GRID2: variants seen among roughly 807,000 people sequenced by gnomAD.
The protein encoded by GRID2 is glutamate ionotropic receptor delta type subunit 2, also known as glutamate receptor ionotropic, delta-2.
GRID2 carries 33 observed loss-of-function variants against 114.8 expected under a neutral mutation model. The ratio of observed to expected loss-of-function variants is 0.29; its 90% CI spans 0.22 to 0.38. The LOEUF (loss-of-function observed/expected upper bound fraction) is 0.38, where lower values mean the gene tolerates loss of function less well. Ranked by LOEUF, GRID2 falls within the 10% of genes least tolerant of loss-of-function variation. The pLI is 1.00. For synonymous variants in GRID2, 505 were observed against 449.9 expected (o/e 1.12, Z -1.55); for missense variants, 1,184 against 1,257.7 (o/e 0.94, Z 0.89).
At chr4:92,854,523 A>G (rs1744045581) in intron 2 of GRID2, among the ~76,000 whole-genome samples, 2 of 151,310 alleles carry the variant, frequency 1.3e-5, no homozygotes, top group Non-Finnish European at 3.0e-5. Flanking sequence ...TTCTGGAGAG[A>G]AGTTGTGATG....
At chr4:93,304,569 A>T (rs1755219790) in intron 8 of GRID2, among the ~76,000 whole-genome samples, 3 of 152,160 alleles carry the variant, frequency 2.0e-5, no homozygotes, top group Admixed American at 1.3e-4. Context: ...CAAGAAAATA[A>T]TACCAGTTTC....
At chr4:92,472,750 G>A (rs916372935) in intron 1 of GRID2, among the ~76,000 whole-genome samples, 1 of 151,904 alleles carries the variant, frequency 6.6e-6, no homozygotes. Context: ...TCAAAGTTTT[G>A]CCTGTCTTAA....
intron 2 of GRID2, among the ~76,000 whole-genome samples, chr4:92,766,808 A>G (rs575208029): frequency 1.3e-5 from 2 of 152,318 alleles, no homozygotes; most frequent in Non-Finnish European, 2.9e-5. Flanking sequence ...ATTCATAAGT[A>G]TACATTTATC....
intron 2 of GRID2, among the ~76,000 whole-genome samples, chr4:92,622,558 C>T (rs548377302): frequency 6.6e-6 from 1 of 151,634 alleles, no homozygotes; most frequent in South Asian, 2.1e-4. Context: ...TTGGGATTTC[C>T]CAAAATACAC....
At chr4:93,035,701 A>G (rs995262159) in intron 2 of GRID2, among the ~76,000 whole-genome samples, 2 of 152,096 alleles carry the variant, frequency 1.3e-5, no homozygotes, top group East Asian at 3.9e-4. Flanking sequence ...CTCACTGGCT[A>G]TTGGTCAGAT....
intron 4 of GRID2, among the ~76,000 whole-genome samples, chr4:93,206,007 A>C (rs1006992888): frequency 3.3e-5 from 5 of 152,030 alleles, no homozygotes; most frequent in Non-Finnish European, 7.4e-5. Context: ...CCAGCATGGC[A>C]TGTGTATACA....
intron 4 of GRID2, among the ~76,000 whole-genome samples, chr4:93,132,046 A>T (rs1465272418): frequency 6.6e-6 from 1 of 152,186 alleles, no homozygotes; most frequent in Non-Finnish European, 1.5e-5. Flanking sequence ...ACTATAAACA[A>T]TTATCTGCAA....
At chr4:92,491,642 C>T (rs1206862740) in intron 1 of GRID2, among the ~76,000 whole-genome samples, 1 of 151,852 alleles carries the variant, frequency 6.6e-6, no homozygotes, top group African/African-American at 2.4e-5. Context: ...GTATATGCCT[C>T]ATGGATAGAT....
At position 92,975,301 on chromosome 4, in the gene GRID2, A is replaced by C. The variant is rs532050310; in HGVS notation, c.245-109694A>C. The stretch of plus-strand genomic sequence containing the variant: ...TTATATTAATACTTTTTTTTCTTTA[A>C]AACTGTTTTTCAAAACTCTGTTATA... On this transcript the variant is annotated intron_variant, in intron 2 of 15. Transcript: ENST00000282020. Among the ~76,000 whole-genome samples the C allele has an allele frequency of 5.3e-5, 8 of 152,042 alleles. No individual in the cohort carries two copies. In the East Asian group the frequency reaches 1.2e-3, roughly 22 times the overall value.
chr4:92,335,570 G>A (rs1727123500), intron 1 of GRID2, among the ~76,000 whole-genome samples: 1 of 152,136 alleles, frequency 6.6e-6, no homozygotes, highest in Admixed American at 6.6e-5. Context: ...GGTATCTTGT[G>A]TTATGAGTAA....
chr4:93,100,878 A>G (rs1033954210), intron 3 of GRID2, among the ~76,000 whole-genome samples: 3 of 152,058 alleles, frequency 2.0e-5, no homozygotes, highest in African/African-American at 7.2e-5. Flanking sequence ...AATCAGACTG[A>G]GAATTACTAT....
At chr4:93,169,032 A>G (rs1442447171) in intron 4 of GRID2, among the ~76,000 whole-genome samples, 1 of 152,052 alleles carries the variant, frequency 6.6e-6, no homozygotes, top group East Asian at 1.9e-4. Flanking sequence ...GGGATCATTC[A>G]GTGGCCTCAA....
chr4:93,579,675 C>T (rs1736768681), intron 13 of GRID2, among the ~76,000 whole-genome samples: 12 of 152,122 alleles, frequency 7.9e-5, no homozygotes, highest in Admixed American at 7.9e-4. Flanking sequence ...GGGACACTGA[C>T]CTTGAGCTCT....
intron 2 of GRID2, among the ~76,000 whole-genome samples, chr4:92,650,778 T>C (rs1479534264): frequency 2.0e-5 from 3 of 151,894 alleles, no homozygotes; most frequent in Admixed American, 6.6e-5. Flanking sequence ...ACCACTCCCA[T>C]TTCTTTTGCT....
chr4:92,531,302 C>T (rs1045640174), intron 1 of GRID2, among the ~76,000 whole-genome samples: 5 of 151,838 alleles, frequency 3.3e-5, no homozygotes, highest in South Asian at 2.1e-4. Context: ...TAGATGACCA[C>T]GAGATATTCA....
At chr4:93,407,663 A>G (rs954654453) in intron 9 of GRID2, among the ~76,000 whole-genome samples, 10 of 147,226 alleles carry the variant, frequency 6.8e-5, no homozygotes, top group African/African-American at 2.1e-4. Flanking sequence ...AAGGAACTTT[A>G]CAATTTTTCA....
intron 8 of GRID2, among the ~76,000 whole-genome samples, chr4:93,280,488 G>C (rs1752538841): frequency 6.6e-6 from 1 of 151,930 alleles, no homozygotes; most frequent in South Asian, 2.1e-4. Flanking sequence ...AAAGATAAAT[G>C]GTGAATTTAA....
chr4:93,287,192 T>A (rs1391827506), intron 8 of GRID2, among the ~76,000 whole-genome samples: 2 of 152,190 alleles, frequency 1.3e-5, no homozygotes, highest in East Asian at 3.9e-4. Context: ...TGGGAAAAAA[T>A]ATCATTATGG....
chr4:92,939,317 G>A (rs1483416913), intron 2 of GRID2, among the ~76,000 whole-genome samples: 2 of 147,648 alleles, frequency 1.4e-5, no homozygotes, highest in Admixed American at 7.2e-5. Context: ...GATGGCCAGC[G>A]ATGATGAACA....
Sources: allele counts gnomAD v4.1 joint callset (sites outside exome capture counted in the v4.1 genomes callset), GRCh38; gene constraint gnomAD v4.1.1; transcripts MANE v1.5; gene names NCBI Gene and HGNC (gene_info 2026-07-23, HGNC 2026-07-21).